The following NAV2 variants were observed in gnomAD, a reference collection of about 807,000 sequenced individuals.
NAV2 encodes neuron navigator 2, also known as helicase, APC down-regulated 1.
In NAV2, 54 loss-of-function variants were observed where a neutral mutation model predicts 223.2. The ratio of observed to expected loss-of-function variants is 0.24; its 90% CI spans 0.19 to 0.30. The LOEUF (loss-of-function observed/expected upper bound fraction) is 0.30, where lower values mean the gene tolerates loss of function less well. Among genes scored for constraint, NAV2 ranks in the 10% least tolerant of loss-of-function variants. The probability of loss-of-function intolerance (pLI) is 1.00; values close to 1 mark genes in which losing one functional copy is unlikely to be tolerated. For synonymous variants in NAV2, 1,279 were observed against 1,239.3 expected, an observed-to-expected ratio of 1.03 and a Z score of -0.67; for missense variants, 2,806 against 3,147.5, an observed-to-expected ratio of 0.89 and a Z score of 2.60.
At chr11:19,877,905 C>G (rs1156673677) in intron 4 of NAV2, among the ~76,000 whole-genome samples, 1 of 152,174 alleles carries the variant, frequency 6.6e-6, no homozygotes, top group African/African-American at 2.4e-5. Flanking sequence ...ATCCAAGCCT[C>G]ACACTCTGTG....
At chr11:19,894,980 T>G (rs2041833252) in intron 6 of NAV2, among the ~76,000 whole-genome samples, 1 of 152,180 alleles carries the variant, frequency 6.6e-6, no homozygotes, top group South Asian at 2.1e-4. Flanking sequence ...TCCGCCCGCC[T>G]CTGCCTCCCA....
chr11:19,977,699 C>T (rs955276359), intron 10 of NAV2, among the ~76,000 whole-genome samples: 1 of 151,908 alleles, frequency 6.6e-6, no homozygotes, highest in Non-Finnish European at 1.5e-5. Flanking sequence ...GAAATTAAGC[C>T]CTTTTTTTTT....
chr11:19,734,037 G>T (rs2052048876), intron 1 of NAV2, among the ~76,000 whole-genome samples: 1 of 152,084 alleles, frequency 6.6e-6, no homozygotes, highest in Admixed American at 6.6e-5. Flanking sequence ...GAGGCATAAG[G>T]GTCTGAAATA....
At chr11:20,046,553 C>T (rs992579360) in intron 14 of NAV2, among the ~76,000 whole-genome samples, 4 of 150,248 alleles carry the variant, frequency 2.7e-5, no homozygotes, top group African/African-American at 9.8e-5. Flanking sequence ...TACGCTACTC[C>T]GGAATTCCAA....
intron 1 of NAV2, among the ~76,000 whole-genome samples, chr11:19,620,972 G>A (rs371456777): frequency 1.8e-3 from 273 of 152,118 alleles, no homozygotes; most frequent in South Asian, 7.5e-3. Context: ...TAGCATGAAG[G>A]GTTGTTGAAT....
At chr11:19,463,189 C>T (rs1852225301) in intron 1 of NAV2, among the ~76,000 whole-genome samples, 1 of 152,186 alleles carries the variant, frequency 6.6e-6, no homozygotes, top group Non-Finnish European at 1.5e-5. Context: ...GCAAATAAAG[C>T]AGCATGGTGT....
Position 19,873,733 on chromosome 11 carries a change from A to G in NAV2, c.511+4736A>G, listed in dbSNP as rs186628129. 4.7e-3 allele frequency among the ~76,000 whole-genome samples: 716 copies of G among 152,182 alleles called. 7 individuals carry two copies. Among genetic ancestry groups the G allele is most frequent in the Non-Finnish European group, 6.4e-3 (433 of 68,006 alleles). On this transcript the variant is annotated intron_variant, in intron 4 of 37. Coordinates refer to ENST00000349880, the MANE Select transcript of NAV2 (RefSeq NM_145117.5). The stretch of plus-strand genomic sequence containing the variant: ...CCTATATTACCTGAGTATGGCATTG[A>G]CTGAGACCTTCAGTTTCTGTTTCTT...
At chr11:19,799,309 A>G (rs2058093811) in intron 1 of NAV2, among the ~76,000 whole-genome samples, 1 of 152,144 alleles carries the variant, frequency 6.6e-6, no homozygotes, top group Non-Finnish European at 1.5e-5. Flanking sequence ...TAGAAAGGTA[A>G]GGAAGAGTGA....
At chr11:19,533,971 GCTGGGA>G in intron 1 of NAV2, among the ~76,000 whole-genome samples, 1 of 132,260 alleles carries the variant, frequency 7.6e-6, no homozygotes, top group African/African-American at 4.4e-5. Flanking sequence ...CTCCCAAAGT[GCTGGGA>G]TTACAGGCGT....
intron 1 of NAV2, among the ~76,000 whole-genome samples, chr11:19,522,223 G>A (rs1207362146): frequency 2.0e-5 from 3 of 151,940 alleles, no homozygotes; most frequent in Non-Finnish European, 4.4e-5. Flanking sequence ...ACAGCAAGAA[G>A]GTGGGAGACA....
intron 11 of NAV2, among the ~76,000 whole-genome samples, chr11:20,010,298 C>T (rs1471822220): frequency 6.6e-6 from 1 of 152,116 alleles, no homozygotes; most frequent in Non-Finnish European, 1.5e-5. Flanking sequence ...ATTGGTTTTG[C>T]AGACCTTTGA....
chr11:19,554,720 A>G lies in NAV2; in HGVS notation c.75+203693A>G, dbSNP rs1296319633. ...ATTTCTTAAAAATGGTTTTCTATCC[A>G]CTTTGGGAGGCCGAGGCGGGCAGAT... On this transcript the variant is annotated intron_variant, in intron 1 of 37. Transcript: ENST00000360655. Among the ~76,000 whole-genome samples, 5 of 152,142 alleles carry G rather than the reference A, an allele frequency of 3.3e-5. No individual in the cohort carries two copies. The East Asian group carries it at 9.6e-4, about 29-fold the overall frequency.
At chr11:19,904,440 T>C (rs1228911861) in intron 6 of NAV2, among the ~76,000 whole-genome samples, 1 of 152,136 alleles carries the variant, frequency 6.6e-6, no homozygotes, top group Admixed American at 6.5e-5. Context: ...ATGAATGAAC[T>C]TAATTCTCTG....
At chr11:19,359,944 A>G (rs1853836934) in intron 1 of NAV2, among the ~76,000 whole-genome samples, 1 of 151,950 alleles carries the variant, frequency 6.6e-6, no homozygotes, top group Non-Finnish European at 1.5e-5. Flanking sequence ...GCTGATCCTC[A>G]TTGCCCCCAC....
At chr11:19,465,486 CAG>C (rs1331284310) in intron 1 of NAV2, among the ~76,000 whole-genome samples, 2 of 152,118 alleles carry the variant, frequency 1.3e-5, no homozygotes, top group Non-Finnish European at 2.9e-5. Flanking sequence ...TTAATTAGTT[CAG>C]AGAAAACTTC....
intron 1 of NAV2, among the ~76,000 whole-genome samples, chr11:19,577,314 G>C (rs1161798350): frequency 6.6e-6 from 1 of 152,226 alleles, no homozygotes; most frequent in East Asian, 1.9e-4. Context: ...CTGCTTTTCA[G>C]ATACCTGTCC....
In NAV2 at chr11:19,880,129, TG is replaced by T; in HGVS notation, c.770+7del. On this transcript the variant is annotated splice_donor_region_variant and intron_variant, in intron 5 of 37. Transcript: ENST00000349880. ...AGCACAAGCTGAAATGCAGTCCAGG[TG>T]GGGGCTCCTTGCCAACTGATGGTTC... is the stretch of plus-strand genomic sequence containing the variant. 1 of 1,570,746 alleles carries T rather than the reference TG, an allele frequency of 6.4e-7. No homozygotes were observed. The highest frequency in any genetic ancestry group is 1.2e-5 in the South Asian group (1 of 84,274).
intron 1 of NAV2, chr11:19,714,316 C>T (rs931358108): frequency 3.9e-6 from 2 of 519,104 alleles, no homozygotes; most frequent in East Asian, 5.1e-5. Context: ...AGCCAGTATC[C>T]GCAGCAGCAG....
In NAV2 at chr11:19,444,314, C is replaced by T. The variant is rs12576863; in HGVS notation, c.75+93287C>T. Among the ~76,000 whole-genome samples, 17 of 152,278 alleles carry T rather than the reference C, an allele frequency of 1.1e-4. No individual in the cohort carries two copies. In the East Asian group the frequency reaches 2.7e-3, roughly 24 times the overall value. On this transcript the variant is annotated intron_variant, in intron 1 of 37. Transcript: ENST00000360655. ...GGCTAGCTGTCTCCAAAGATTTGGG[C>T]TCCCCCTCCACAGTGAAGAGTTATT...
Sources: allele counts gnomAD v4.1 joint callset (sites outside exome capture counted in the v4.1 genomes callset), GRCh38; gene constraint gnomAD v4.1.1; transcripts MANE v1.5; gene names NCBI Gene and HGNC (gene_info 2026-07-23, HGNC 2026-07-21).